The following M1AP variants were observed in gnomAD, a reference collection of about 807,000 sequenced individuals.
M1AP encodes the protein meiosis 1 arrest protein.
M1AP carries 39 observed loss-of-function variants against 51.2 expected under a neutral mutation model. The ratio of observed to expected loss-of-function variants is 0.76; its 90% CI spans 0.59 to 1.00. The LOEUF (loss-of-function observed/expected upper bound fraction) is 1.00, where lower values mean the gene tolerates loss of function less well. Among genes scored for constraint, M1AP ranks in the 50% least tolerant of loss-of-function variants. The pLI is 0.00. For synonymous variants in M1AP, 251 were observed against 249.2 expected (o/e 1.01, Z -0.07); for missense variants, 545 against 641.2 (o/e 0.85, Z 1.62).
intron 7 of M1AP, among the ~76,000 whole-genome samples, chr2:74,565,033 C>T (rs1454159856): frequency 6.6e-6 from 1 of 152,038 alleles, no homozygotes; most frequent in Non-Finnish European, 1.5e-5. Flanking sequence ...CCAGTCTGGC[C>T]AACATGGTGA....
At position 74,615,087 on chromosome 2, in the gene M1AP, T is replaced by C; in HGVS notation, c.303A>G (p.Arg101=). The change falls in exon 3 of 11, where the codon AGA becomes AGG. Residue 101 remains arginine (R), a synonymous_variant. Coordinates refer to ENST00000421985, the MANE Select transcript of M1AP (RefSeq NM_001321739.2). Reference sequence around the variant, plus strand: ...CACCTTGTGATCTGAAACACCCTTCTCTCTGTAACATGCGGAGTTCTGAGA... The same window carrying C: ...CACCTTGTGATCTGAAACACCCTTCCCTCTGTAACATGCGGAGTTCTGAGA... The part of the protein sequence containing the change: ...TCISELRMLQ[R]EGCFRSQGAS... 1 of 1,614,186 alleles carries C rather than the reference T, an allele frequency of 6.2e-7. No homozygotes were observed.
intron 4 of M1AP, among the ~76,000 whole-genome samples, chr2:74,591,378 A>G (rs866639149): frequency 6.6e-6 from 1 of 152,234 alleles, no homozygotes; most frequent in African/African-American, 2.4e-5. Context: ...GACGTGAGAA[A>G]CATTAGACTT....
In M1AP at chr2:74,575,527, T is replaced by G; in HGVS notation, c.985A>C (p.Ile329Leu). 1.9e-6 allele frequency: 3 copies of G among 1,614,218 alleles called. No homozygotes were observed. Among genetic ancestry groups the G allele is most frequent in the Non-Finnish European group, 2.5e-6 (3 of 1,180,034 alleles). Reference protein sequence around the residue: ...CESLTYGLPFILRPTSCWQLD... With the variant: ...CESLTYGLPFLLRPTSCWQLD... ...TGCCAACAGCTTGTAGGTCTGAGGA[T>G]GAACGGGAGTCCATATGTCAATGAC... The change falls in exon 7 of 11, where the codon ATC (isoleucine) becomes CTC (leucine). Residue 329 changes from isoleucine (I) to leucine (L), a missense_variant. Transcript: ENST00000421985.
chr2:74,623,789 A>G (rs71418738), intron 2 of M1AP, among the ~76,000 whole-genome samples: 3,030 of 152,220 alleles, frequency 0.02, 45 homozygotes, highest in Middle Eastern at 0.031. Flanking sequence ...CTCTCTCCTT[A>G]GCCTCTGGAG....
At chr2:74,592,161 CTG>C (rs890338326) in intron 4 of M1AP, among the ~76,000 whole-genome samples, 4 of 152,020 alleles carry the variant, frequency 2.6e-5, no homozygotes, top group African/African-American at 9.7e-5. Context: ...GCAACCGACT[CTG>C]TGTATATACA....
At chr2:74,584,446 T>C (rs1431727176) in intron 4 of M1AP, among the ~76,000 whole-genome samples, 4 of 124,656 alleles carry the variant, frequency 3.2e-5, no homozygotes, top group Non-Finnish European at 6.6e-5. Context: ...CTGTCTCAGT[T>C]GCAAAAAAAA....
intron 7 of M1AP, among the ~76,000 whole-genome samples, chr2:74,563,974 C>T (rs1031837043): frequency 1.3e-5 from 2 of 152,196 alleles, no homozygotes; most frequent in African/African-American, 4.8e-5. Context: ...ACTGTGTCCT[C>T]TTACTGGGGG....
At chr2:74,575,862 G>A (rs1055840591) in intron 6 of M1AP, among the ~76,000 whole-genome samples, 1 of 152,134 alleles carries the variant, frequency 6.6e-6, no homozygotes, top group Non-Finnish European at 1.5e-5. Context: ...GTTTTGTTTT[G>A]TTTTTCTTTC....
At chr2:74,621,807 C>G (rs879273642) in intron 2 of M1AP, among the ~76,000 whole-genome samples, 1 of 147,528 alleles carries the variant, frequency 6.8e-6, no homozygotes, top group Non-Finnish European at 1.5e-5. Context: ...AACAAACAAA[C>G]ATAAAAAAGT....
intron 2 of M1AP, among the ~76,000 whole-genome samples, chr2:74,631,750 C>T (rs949541964): frequency 6.6e-5 from 10 of 152,042 alleles, no homozygotes; most frequent in African/African-American, 1.2e-4. Flanking sequence ...TTTATATTAA[C>T]GGCACAATGG....
intron 3 of M1AP, among the ~76,000 whole-genome samples, chr2:74,612,119 C>G (rs1681400758): frequency 6.6e-6 from 1 of 151,596 alleles, no homozygotes. Flanking sequence ...TCTCGATCGC[C>G]TGACCTCGTG....
intron 7 of M1AP, among the ~76,000 whole-genome samples, chr2:74,562,756 C>T (rs922357235): frequency 1.3e-5 from 2 of 152,036 alleles, no homozygotes; most frequent in African/African-American, 4.8e-5. Flanking sequence ...AATTATAATT[C>T]TTAAAAACAG....
chr2:74,639,261 T>C (rs1683157976), intron 2 of M1AP, among the ~76,000 whole-genome samples: 1 of 152,256 alleles, frequency 6.6e-6, no homozygotes. Flanking sequence ...ATTACATTCA[T>C]AATTCAGCAA....
At chr2:74,565,787 C>T (rs1469902947) in intron 7 of M1AP, among the ~76,000 whole-genome samples, 2 of 151,632 alleles carry the variant, frequency 1.3e-5, no homozygotes, top group African/African-American at 4.9e-5. Flanking sequence ...CGAAATCACA[C>T]CACTGCCCTC....
intron 2 of M1AP, among the ~76,000 whole-genome samples, chr2:74,629,656 G>A (rs1359934755): frequency 6.6e-6 from 1 of 152,008 alleles, no homozygotes; most frequent in Admixed American, 6.6e-5. Flanking sequence ...GGAGACTGAG[G>A]CAGGAGAATC....
rs1461488662 is a variant in M1AP, at chr2:74,607,165, A to C, written c.485T>G (p.Leu162Trp). The C allele has an allele frequency of 1.2e-6, 2 of 1,614,184 alleles. No individual in the cohort carries two copies. Among genetic ancestry groups the C allele is most frequent in the Non-Finnish European group, 1.7e-6 (2 of 1,180,022 alleles). The change falls in exon 4 of 11, where the codon TTG becomes TGG. Residue 162 changes from leucine (L) to tryptophan (W), a missense_variant. Coordinates refer to ENST00000421985, the MANE Select transcript of M1AP (RefSeq NM_001321739.2). The stretch of plus-strand genomic sequence containing the variant: ...GACTCTGGCTAGGTCTGTATCTTTC[A>C]ACCCTTCCTCCAACTGTTTGACCAC... ...KEVVKQLEEG[L>W]KDTDLARVRR...
chr2:74,565,343 T>C (rs1171932933), intron 7 of M1AP, among the ~76,000 whole-genome samples: 10 of 152,346 alleles, frequency 6.6e-5, no homozygotes, highest in Admixed American at 6.5e-5. Flanking sequence ...ATATCTCTTA[T>C]TAATATAGAT....
At chr2:74,596,763 C>T (rs947949031) in intron 4 of M1AP, among the ~76,000 whole-genome samples, 2 of 152,156 alleles carry the variant, frequency 1.3e-5, no homozygotes, top group African/African-American at 2.4e-5. Context: ...AAATATGACA[C>T]ATTCATGCAA....
intron 2 of M1AP, among the ~76,000 whole-genome samples, chr2:74,622,705 AGAAG>A (rs1233813924): frequency 6.6e-6 from 1 of 151,954 alleles, no homozygotes; most frequent in Non-Finnish European, 1.5e-5. Context: ...CTGATATGCA[AGAAG>A]GAAGGGTAAG....
Sources: gnomAD v4.1 joint callset for allele counts (sites outside exome capture counted in the v4.1 genomes callset) on GRCh38, gnomAD v4.1.1 for gene constraint, MANE v1.5 for transcripts, NCBI Gene and HGNC (gene_info 2026-07-23, HGNC 2026-07-21) for gene names.